Variants in AGAP1 observed in about 807,000 individuals in gnomAD.
AGAP1 encodes arf-GAP with GTPase, ANK repeat and PH domain-containing protein 1.
In AGAP1, 29 loss-of-function variants were observed where a neutral mutation model predicts 105.3. That is an observed-to-expected ratio of 0.28 (90% CI 0.21 to 0.38). AGAP1 has a LOEUF of 0.38. Ranked by LOEUF, AGAP1 falls within the 10% of genes least tolerant of loss-of-function variation. The pLI, the probability that AGAP1 is intolerant of heterozygous loss-of-function variation, is 1.00. For synonymous variants in AGAP1, 509 were observed against 485.9 expected, an observed-to-expected ratio of 1.05 and a Z score of -0.63; for missense variants, 998 against 1,165.1, an observed-to-expected ratio of 0.86 and a Z score of 2.09.
intron 1 of AGAP1, among the ~76,000 whole-genome samples, chr2:235,521,440 C>T (rs1428830433): frequency 1.3e-5 from 2 of 152,206 alleles, no homozygotes; most frequent in Non-Finnish European, 2.9e-5. Context: ...GTCACTTTTT[C>T]ACCTTGTCGT....
intron 9 of AGAP1, among the ~76,000 whole-genome samples, chr2:235,817,516 C>T (rs1958525994): frequency 6.6e-6 from 1 of 152,066 alleles, no homozygotes; most frequent in African/African-American, 2.4e-5. Context: ...GAAACCAAAA[C>T]ACTCTTTCCT....
rs559627450 is a variant in AGAP1, at chr2:235,577,395, C to T, written c.163+82546C>T. Among the ~76,000 whole-genome samples the T allele has an allele frequency of 8.5e-4, 130 of 152,132 alleles. No homozygotes were observed. The highest frequency in any genetic ancestry group is 1.5e-3 in the Non-Finnish European group (104 of 68,028). On this transcript the variant is annotated intron_variant, in intron 1 of 17. Transcript: ENST00000304032. The surrounding 1 kb of genome is among the most constrained non-coding windows in gnomAD (Gnocchi z 4.5). Reference sequence around the variant, plus strand: ...GCTGGAGCTACTGTATTGGGCACCACGGCCTTAGGGTTTTGATTAAAACCC... The same window carrying T: ...GCTGGAGCTACTGTATTGGGCACCATGGCCTTAGGGTTTTGATTAAAACCC...
intron 10 of AGAP1, among the ~76,000 whole-genome samples, chr2:235,898,720 G>A (rs2050925763): frequency 6.6e-6 from 1 of 152,112 alleles, no homozygotes. Context: ...GTGAACCCTC[G>A]CAACAGTATC....
At chr2:235,514,649 T>A (rs886247882) in intron 1 of AGAP1, among the ~76,000 whole-genome samples, 2 of 152,374 alleles carry the variant, frequency 1.3e-5, no homozygotes, top group African/African-American at 2.4e-5. Context: ...CCAAGGCCAT[T>A]CCGATGGCTC....
At chr2:235,563,059 TTAAAA>T (rs984630557) in intron 1 of AGAP1, among the ~76,000 whole-genome samples, 1 of 152,024 alleles carries the variant, frequency 6.6e-6, no homozygotes, top group African/African-American at 2.4e-5. Flanking sequence ...CAAAAAATAA[TTAAAA>T]TAAAATAAAA....
intron 13 of AGAP1, among the ~76,000 whole-genome samples, chr2:236,034,569 G>A (rs1027996875): frequency 6.6e-6 from 1 of 152,066 alleles, no homozygotes. Flanking sequence ...TCCAGAAATC[G>A]GGAACCAGGG....
At chr2:235,527,562 G>GT (rs1018279968) in intron 1 of AGAP1, among the ~76,000 whole-genome samples, 6 of 152,044 alleles carry the variant, frequency 3.9e-5, no homozygotes, top group African/African-American at 1.4e-4. Context: ...TATTTTTTGC[G>GT]TTTTTTTGTA....
At chr2:236,072,011 T>C (rs891992622) in intron 16 of AGAP1, among the ~76,000 whole-genome samples, 23 of 152,296 alleles carry the variant, frequency 1.5e-4, no homozygotes, top group African/African-American at 5.5e-4. Flanking sequence ...GGCCCATCTC[T>C]AGGAGAGAAC....
Position 235,689,013 on chromosome 2 carries a change from C to A in AGAP1, c.164-20166C>A, listed in dbSNP as rs1204556234. 6.6e-6 allele frequency among the ~76,000 whole-genome samples: 1 copy of A among 152,134 alleles called. No homozygotes were observed. On this transcript the variant is annotated intron_variant, in intron 1 of 17. Coordinates refer to ENST00000304032, the MANE Select transcript of AGAP1 (RefSeq NM_001037131.3). The surrounding 1 kb of genome is among the most constrained non-coding windows in gnomAD (Gnocchi z 4.2). ...TGCATTTGTGCAGCGATTCCAGCAACAACCCTGTGCGGTAGATTATTGTCC... is the reference window on the plus strand; with the variant it reads ...TGCATTTGTGCAGCGATTCCAGCAAAAACCCTGTGCGGTAGATTATTGTCC...
rs1957493701 is a variant in AGAP1, at chr2:235,801,514, C to T, written c.957+1992C>T. Among the ~76,000 whole-genome samples the T allele has an allele frequency of 6.6e-6, 1 of 152,120 alleles. No homozygotes were observed. The highest frequency in any genetic ancestry group is 2.1e-4 in the South Asian group (1 of 4,816). On this transcript the variant is annotated intron_variant, in intron 8 of 17. Coordinates refer to ENST00000304032, the MANE Select transcript of AGAP1 (RefSeq NM_001037131.3). This position sits in a 1 kb window ranked among gnomAD's most constrained non-coding sequence, Gnocchi z 6.0. ...TTTTATTGGGCAGTTTCTTCACACA[C>T]ACCGAGAACAGCAGCAGTCACCTAA...
intron 1 of AGAP1, among the ~76,000 whole-genome samples, chr2:235,678,855 C>A (rs1221306036): frequency 2.0e-5 from 3 of 152,120 alleles, no homozygotes; most frequent in Non-Finnish European, 4.4e-5. Context: ...CTCCCGCTCT[C>A]CTGCCTGCCA....
chr2:236,118,626 T>A (rs2059828913), intron 16 of AGAP1, among the ~76,000 whole-genome samples: 1 of 152,118 alleles, frequency 6.6e-6, no homozygotes, highest in East Asian at 1.9e-4. Flanking sequence ...TGACCTCAGG[T>A]GATCCACCCA....
At chr2:235,918,297 T>C (rs1260651798) in intron 11 of AGAP1, among the ~76,000 whole-genome samples, 1 of 152,248 alleles carries the variant, frequency 6.6e-6, no homozygotes, top group East Asian at 1.9e-4. Context: ...TTTTCTGAAA[T>C]AAAACCTCAA....
rs999970110 is a variant in AGAP1 at position 236,045,220 on chromosome 2, T to A, written c.1892-3839T>A. ...CAGGAGCCACTGTGCTGGGCCTAGT[T>A]TTTTTTATTTTTTCCTGCTTGGTCT... On this transcript the variant is annotated intron_variant, in intron 15 of 17. Coordinates refer to ENST00000304032, the MANE Select transcript of AGAP1 (RefSeq NM_001037131.3). This position sits in a 1 kb window ranked among gnomAD's most constrained non-coding sequence, Gnocchi z 6.9. Among the ~76,000 whole-genome samples, 55 of 152,144 alleles carry A rather than the reference T, an allele frequency of 3.6e-4. No individual in the cohort carries two copies. The highest frequency in any genetic ancestry group is 5.3e-4 in the Non-Finnish European group (36 of 68,038).
chr2:235,834,666 A>G (rs189565884), intron 9 of AGAP1, among the ~76,000 whole-genome samples: 22 of 152,336 alleles, frequency 1.4e-4, no homozygotes, highest in Admixed American at 1.4e-3. Flanking sequence ...GCAGACCATT[A>G]GAAAGGAGGT....
chr2:235,711,154 C>T (rs1559383140), intron 2 of AGAP1, among the ~76,000 whole-genome samples: 2 of 152,360 alleles, frequency 1.3e-5, no homozygotes, highest in Non-Finnish European at 2.9e-5. Context: ...TCACGGCTGG[C>T]GCCATGTGGC....
rs957700670 is a variant in AGAP1 at position 235,866,257 on chromosome 2, G to A, written c.1051-17088G>A. ...TGTGGTTATTCTTGCAGGTTGAGCC[G>A]GGTGCTAGCTACTGATGTGGGAATC... On this transcript the variant is annotated intron_variant, in intron 9 of 17. Coordinates refer to ENST00000304032, the MANE Select transcript of AGAP1 (RefSeq NM_001037131.3). This position sits in a 1 kb window ranked among gnomAD's most constrained non-coding sequence, Gnocchi z 6.1. 1.3e-5 allele frequency among the ~76,000 whole-genome samples: 2 copies of A among 152,100 alleles called. No individual in the cohort carries two copies. Among genetic ancestry groups the A allele is most frequent in the African/African-American group, 2.4e-5 (1 of 41,412 alleles).
intron 16 of AGAP1, among the ~76,000 whole-genome samples, chr2:236,066,751 A>G (rs780460253): frequency 3.9e-5 from 6 of 152,222 alleles, no homozygotes; most frequent in Non-Finnish European, 8.8e-5. Context: ...ATAACTGCAT[A>G]GGTCTATCAA....
intron 16 of AGAP1, among the ~76,000 whole-genome samples, chr2:236,107,105 T>G (rs2059516074): frequency 6.8e-6 from 1 of 147,140 alleles, no homozygotes; most frequent in Non-Finnish European, 1.5e-5. Context: ...CTTTACCCGT[T>G]CCCCCCCGCC....
Sources: allele counts gnomAD v4.1 joint callset (sites outside exome capture counted in the v4.1 genomes callset), GRCh38; gene constraint gnomAD v4.1.1; non-coding constraint Gnocchi (gnomAD v3.1); transcripts MANE v1.5; gene names NCBI Gene and HGNC (gene_info 2026-07-23, HGNC 2026-07-21).